KDM7A: variants seen among roughly 807,000 people sequenced by gnomAD.
The protein encoded by KDM7A is lysine demethylase 7A.
A neutral mutation model predicts 114.8 loss-of-function variants in KDM7A; 28 were observed. That is an observed-to-expected ratio of 0.24 (90% CI 0.18 to 0.33). The LOEUF is 0.33. KDM7A is among the 10% of genes least tolerant of loss of function. KDM7A has a pLI of 1.00. For missense variants in KDM7A, 942 were observed against 1,142.5 expected, an observed-to-expected ratio of 0.82 and a Z score of 2.53; for synonymous variants, 423 against 397.8, an observed-to-expected ratio of 1.06 and a Z score of -0.75.
chr7:140,139,590 C>T (rs1794235972), intron 1 of KDM7A, among the ~76,000 whole-genome samples: 1 of 151,846 alleles, frequency 6.6e-6, no homozygotes, highest in South Asian at 2.1e-4. Context: ...TAAACAGAAA[C>T]ATATAGCTTT....
chr7:140,172,193 A>G (rs62491440), intron 1 of KDM7A, among the ~76,000 whole-genome samples: 10,149 of 152,296 alleles, frequency 0.067, 396 homozygotes, highest in Non-Finnish European at 0.09. Flanking sequence ...CCTTTGACCA[A>G]TAACACTAGT....
Position 140,124,703 on chromosome 7 carries a change from C to T in KDM7A, c.969G>A (p.Gln323=). The T allele has an allele frequency of 6.2e-7, 1 of 1,613,366 alleles. No individual in the cohort carries two copies. Among genetic ancestry groups the T allele is most frequent in the Non-Finnish European group, 8.5e-7 (1 of 1,179,428 alleles). ...RYESWSSSVT[Q]SEVFFGDKVD... is the part of the protein sequence containing the mutation. Reference sequence around the variant, plus strand: ...CCTTATCTCCAAAGAACACCTCACTCTGGGTCACAGATGAACTCCAAGATT... The same window carrying T: ...CCTTATCTCCAAAGAACACCTCACTTTGGGTCACAGATGAACTCCAAGATT... Residue 323 remains glutamine (Q), a synonymous_variant, in exon 7 of 20, where the codon CAG becomes CAA. Transcript: ENST00000397560.
At chr7:140,118,855 AT>A (rs1444370705) in intron 9 of KDM7A, among the ~76,000 whole-genome samples, 1 of 152,174 alleles carries the variant, frequency 6.6e-6, no homozygotes, top group African/African-American at 2.4e-5. Flanking sequence ...TGGAATGAAC[AT>A]TTCTAATATT....
At chr7:140,146,235 A>T (rs1794338886) in intron 1 of KDM7A, among the ~76,000 whole-genome samples, 1 of 152,264 alleles carries the variant, frequency 6.6e-6, no homozygotes, top group Admixed American at 6.5e-5. Context: ...ATACAATTTT[A>T]AAAAATAAAA....
At chr7:140,104,836 A>T (rs1562947430) in intron 11 of KDM7A, among the ~76,000 whole-genome samples, 1 of 152,176 alleles carries the variant, frequency 6.6e-6, no homozygotes. Context: ...GAAGAAAGTC[A>T]TTGGTAGCTT....
chr7:140,091,313 C>A, intron 19 of KDM7A, 125 bp from the exon 20 acceptor site: 1 of 693,648 alleles, frequency 1.4e-6, no homozygotes, highest in South Asian at 1.7e-5. Context: ...TGGACAGAGT[C>A]ATACTTCTGA....
At chr7:140,108,386 G>T (rs1428653997) in intron 11 of KDM7A, among the ~76,000 whole-genome samples, 1 of 152,118 alleles carries the variant, frequency 6.6e-6, no homozygotes, top group Admixed American at 6.5e-5. Flanking sequence ...CAGCTTTTCT[G>T]CTCTGTTTTT....
chr7:140,139,278 A>G, intron 1 of KDM7A, 88 bp from the exon 2 acceptor site: 1 of 807,364 alleles, frequency 1.2e-6, no homozygotes, highest in Non-Finnish European at 2.1e-6. Flanking sequence ...TAGCTGAGAA[A>G]TGTACAACCA....
Position 140,173,598 on chromosome 7 carries a change from C to T in KDM7A, c.194+3146G>A, listed in dbSNP as rs1392172243. 2.0e-5 allele frequency among the ~76,000 whole-genome samples: 3 copies of T among 152,272 alleles called. No homozygotes were observed. In the East Asian group the frequency reaches 5.8e-4, roughly 29 times the overall value. On this transcript the variant is annotated intron_variant, in intron 1 of 19. Coordinates refer to ENST00000397560, the MANE Select transcript of KDM7A (RefSeq NM_030647.2). ...TAAAGTTAACAAGAAATTACCCAGG[C>T]AATGGCAATTCTCTGTATCCAACCT...
intron 1 of KDM7A, 96 bp from the exon 2 acceptor site, chr7:140,139,286 C>A (rs749378324): frequency 6.7e-6 from 5 of 745,304 alleles, no homozygotes; most frequent in Admixed American, 4.2e-5. Context: ...AAATGTACAA[C>A]CACCTCACCA....
rs1276152871 is a variant in KDM7A, at chr7:140,102,129, C to A, written c.1460G>T (p.Gly487Val). Residue 487 changes from glycine (G) to valine (V), a missense_variant, in exon 12 of 20, where the codon GGA (glycine) becomes GTA (valine). Gly to Val is a moderately radical substitution (Grantham distance 109). Around this residue, in one of 4 missense-constraint regions of KDM7A, gnomAD observed 512 missense variants for 576.6 expected, o/e 0.89. Transcript: ENST00000397560. ...TGAAACTGGACACACAATAGGAATT[C>A]CCTGAGATTTAACTGGTTTGCCGTT... ...EENGKPVKSQ[G>V]IPIVCPVSRS... The A allele has an allele frequency of 6.2e-7, 1 of 1,613,928 alleles. No individual in the cohort carries two copies. The highest frequency in any genetic ancestry group is 1.1e-5 in the South Asian group (1 of 91,068).
rs143435904 is a variant in KDM7A at position 140,173,291 on chromosome 7, G to A, written c.194+3453C>T. Among the ~76,000 whole-genome samples the A allele has an allele frequency of 4.3e-3, 660 of 152,226 alleles. 8 individuals are homozygous for A. The highest frequency in any genetic ancestry group is 0.015 in the African/African-American group (612 of 41,528). The stretch of plus-strand genomic sequence containing the variant: ...TTATACACTGTACCCTGCCTGGCAA[G>A]TGTTCTTTTCTCACTTGCAAAAAGG... On this transcript the variant is annotated intron_variant, in intron 1 of 19. Transcript: ENST00000397560.
intron 1 of KDM7A, among the ~76,000 whole-genome samples, chr7:140,160,853 G>A (rs1794511461): frequency 6.6e-6 from 1 of 152,168 alleles, no homozygotes. Context: ...CTTGGCATTT[G>A]GATGGTTGGA....
intron 3 of KDM7A, among the ~76,000 whole-genome samples, chr7:140,132,058 AATGTTTTT>A (rs1389669153): frequency 6.6e-6 from 1 of 152,246 alleles, no homozygotes; most frequent in Non-Finnish European, 1.5e-5. Flanking sequence ...TAAATGTTTT[AATGTTTTT>A]ATGTAGAAAA....
chr7:140,092,372 C>T (rs1016805931), intron 18 of KDM7A, among the ~76,000 whole-genome samples: 20 of 152,328 alleles, frequency 1.3e-4, no homozygotes, highest in African/African-American at 4.6e-4. Context: ...CACATGCCAA[C>T]GCAGGGACCC....
rs1462361147 is a variant in KDM7A at position 140,085,328 on chromosome 7, C to A, written c.*5766G>T. 6.6e-5 allele frequency: 10 copies of A among 152,186 alleles called. No individual in the cohort carries two copies. The highest frequency in any genetic ancestry group is 2.9e-5 in the Non-Finnish European group (2 of 68,018). The allele number at this position is 152,186 out of a possible 1,614,324, so 9.4% of individuals were successfully genotyped here. On this transcript the variant is annotated 3_prime_UTR_variant, in exon 20 of 20. Transcript: ENST00000397560. Reference sequence around the variant, plus strand: ...CAAAACTAGTAAATACCAGAGCCAACAACTGTCCCCTCTCCAAAGTTCACA... The same window carrying A: ...CAAAACTAGTAAATACCAGAGCCAAAAACTGTCCCCTCTCCAAAGTTCACA...
intron 19 of KDM7A, among the ~76,000 whole-genome samples, chr7:140,091,452 G>A (rs1006606776): frequency 6.6e-6 from 1 of 152,078 alleles, no homozygotes; most frequent in African/African-American, 2.4e-5. Context: ...ACTATGCTTA[G>A]GCAACAAAAC....
intron 17 of KDM7A, among the ~76,000 whole-genome samples, chr7:140,094,452 T>C (rs1008614876): frequency 1.3e-5 from 2 of 151,826 alleles, no homozygotes; most frequent in Admixed American, 1.3e-4. Flanking sequence ...TTGCAGTGAG[T>C]TGAGATCATG....
Position 140,160,264 on chromosome 7 carries a change from T to C in KDM7A, c.194+16480A>G, listed in dbSNP as rs532643758. Among the ~76,000 whole-genome samples, 492 of 152,190 alleles carry C rather than the reference T, an allele frequency of 3.2e-3. 1 individual carries two copies. The highest frequency in any genetic ancestry group is 0.017 in the Middle Eastern group (5 of 294). ...TAGAGGCCAATGAAAGCCTGAAATG[T>C]GATGGTGGTAAATGAAACTAAAAAA... On this transcript the variant is annotated intron_variant, in intron 1 of 19. Transcript: ENST00000397560.
Sources: allele counts gnomAD v4.1 joint callset (sites outside exome capture counted in the v4.1 genomes callset), GRCh38; gene constraint gnomAD v4.1.1; regional missense constraint gnomAD v4.1.1; transcripts MANE v1.5; gene names NCBI Gene and HGNC (gene_info 2026-07-23, HGNC 2026-07-21).